Variants in PRDM1 observed in about 807,000 individuals in gnomAD.
The protein encoded by PRDM1 is PR domain zinc finger protein 1.
A neutral mutation model predicts 62.8 loss-of-function variants in PRDM1; 13 were observed. The observed-to-expected ratio is 0.21, with a 90% confidence interval of 0.13 to 0.33. The LOEUF (loss-of-function observed/expected upper bound fraction) is 0.33, where lower values mean the gene tolerates loss of function less well. Ranked by LOEUF, PRDM1 falls within the 10% of genes least tolerant of loss-of-function variation. The pLI, the probability that PRDM1 is intolerant of heterozygous loss-of-function variation, is 1.00. For missense variants in PRDM1, 895 were observed against 1,058.8 expected, an observed-to-expected ratio of 0.85 and a Z score of 2.15; for synonymous variants, 396 against 417.6, an observed-to-expected ratio of 0.95 and a Z score of 0.63.
chr6:106,020,656 C>T (rs1268595850), intron 1 of PRDM1, among the ~76,000 whole-genome samples: 2 of 152,158 alleles, frequency 1.3e-5, no homozygotes, highest in Non-Finnish European at 2.9e-5. Flanking sequence ...TTATGCACCC[C>T]CCACCATTTT....
chr6:106,106,329 GC>G lies in PRDM1; in HGVS notation c.1774-40del. On this transcript the variant is annotated intron_variant, in intron 5 of 6. Transcript: ENST00000369096. The surrounding 1 kb of genome is among the most constrained non-coding windows in gnomAD (Gnocchi z 4.4). Reference sequence around the variant, plus strand: ...TGGAGCAGAAATGTTAGGTCTCAGAGCCAGCTTGAGAGCAGAGCTAACACAT... The same window carrying G: ...TGGAGCAGAAATGTTAGGTCTCAGAGCAGCTTGAGAGCAGAGCTAACACAT... The G allele has an allele frequency of 1.2e-6, 2 of 1,607,570 alleles. No homozygotes were observed. Among genetic ancestry groups the G allele is most frequent in the Non-Finnish European group, 8.5e-7 (1 of 1,175,210 alleles).
rs1484521161 is a variant in PRDM1, at chr6:106,105,907, A to T, written c.1747A>T (p.Thr583Ser). Residue 583 changes from threonine to serine, a missense_variant, in exon 5 of 7, where the codon ACT becomes TCT. By Grantham distance (58) the Thr-to-Ser change is moderately conservative (BLOSUM62 1). Around this residue, in one of 4 missense-constraint regions of PRDM1, gnomAD observed 74 missense variants for 172.4 expected, o/e 0.43. Transcript: ENST00000369096. ...IKYECNVCAK[T>S]FGQLSNLKVH... is the part of the protein sequence containing the mutation. ...GTACGAATGCAACGTTTGCGCCAAG[A>T]CTTTCGGCCAGCTCTCCAATCTGAA... is the stretch of plus-strand genomic sequence containing the variant. 3 of 1,613,274 alleles carry T rather than the reference A, an allele frequency of 1.9e-6. No homozygotes were observed. The highest frequency in any genetic ancestry group is 2.5e-6 in the Non-Finnish European group (3 of 1,179,578).
At chr6:106,067,773 G>C (rs1773455704) in intron 1 of PRDM1, among the ~76,000 whole-genome samples, 1 of 152,106 alleles carries the variant, frequency 6.6e-6, no homozygotes, top group Non-Finnish European at 1.5e-5. Context: ...TTTGAGTGAT[G>C]AAAAAGTTTT....
intron 1 of PRDM1, among the ~76,000 whole-genome samples, chr6:105,996,867 A>G (rs1432897505): frequency 6.6e-6 from 1 of 152,224 alleles, no homozygotes; most frequent in African/African-American, 2.4e-5. Flanking sequence ...ATTTCCGCCA[A>G]ATTGACTGTC....
intron 1 of PRDM1, among the ~76,000 whole-genome samples, chr6:105,998,819 C>A (rs937600124): frequency 1.3e-5 from 2 of 150,946 alleles, no homozygotes; most frequent in Admixed American, 1.3e-4. Context: ...CTGGTAATAT[C>A]CATCTTCCCT....
Position 106,105,305 on chromosome 6 carries a change from G to T in PRDM1, c.1145G>T (p.Gly382Val), listed in dbSNP as rs775175551. Residue 382 changes from glycine (G) to valine (V), a missense_variant, in exon 5 of 7, where the codon GGC becomes GTC. Coordinates refer to ENST00000369096, the MANE Select transcript of PRDM1 (RefSeq NM_001198.4). ...DSYAYLNASYGTEGLGSYPGY... is the reference protein window; with the variant it reads ...DSYAYLNASYVTEGLGSYPGY... ...TACGCTTACTTGAACGCGTCCTACGGCACGGAAGGTTTGGGCTCCTACCCT... is the reference window on the plus strand; with the variant it reads ...TACGCTTACTTGAACGCGTCCTACGTCACGGAAGGTTTGGGCTCCTACCCT... 1.1e-5 allele frequency: 18 copies of T among 1,613,140 alleles called. No individual in the cohort carries two copies. Among genetic ancestry groups the T allele is most frequent in the Non-Finnish European group, 1.4e-5 (16 of 1,179,534 alleles).
chr6:106,023,403 G>A (rs938303263), intron 1 of PRDM1, among the ~76,000 whole-genome samples: 13 of 152,052 alleles, frequency 8.5e-5, no homozygotes, highest in Non-Finnish European at 1.8e-4. Context: ...GAACCCAGAA[G>A]GCAGAGGTTG....
chr6:106,088,518 C>G, intron 2 of PRDM1, 69 bp downstream of exon 2: 2 of 1,561,160 alleles, frequency 1.3e-6, no homozygotes, highest in South Asian at 2.3e-5. Flanking sequence ...GCCCTTGAGG[C>G]CTTGTATATC....
upstream of PRDM1, among the ~76,000 whole-genome samples, chr6:106,044,236 G>A (rs72941643): frequency 0.066 from 7,190 of 108,962 alleles, 181 homozygotes; most frequent in Admixed American, 0.073. Flanking sequence ...ACTAAATTCT[G>A]TTGCTAACAT....
intron 1 of PRDM1, among the ~76,000 whole-genome samples, chr6:106,042,769 C>T (rs1773021374): frequency 6.6e-6 from 1 of 152,104 alleles, no homozygotes; most frequent in Admixed American, 6.5e-5. Flanking sequence ...GAGTTCTTCC[C>T]GATTTTGGAG....
At chr6:106,097,533 T>C (rs1463151600) in intron 3 of PRDM1, among the ~76,000 whole-genome samples, 1 of 152,216 alleles carries the variant, frequency 6.6e-6, no homozygotes, top group African/African-American at 2.4e-5. Context: ...AAAGAAGGGA[T>C]GTTCAAGTTG....
chr6:106,095,669 C>G lies in PRDM1; in HGVS notation c.346C>G (p.Leu116Val). 1 of 1,613,128 alleles carries G rather than the reference C, an allele frequency of 6.2e-7. No individual in the cohort carries two copies. The highest frequency in any genetic ancestry group is 8.5e-7 in the Non-Finnish European group (1 of 1,179,650). Residue 116 changes from leucine (L) to valine (V), a missense_variant, in exon 3 of 7, where the codon CTA becomes GTA. Around this residue, in one of 4 missense-constraint regions of PRDM1, gnomAD observed 213 missense variants for 283.9 expected, o/e 0.75. Coordinates refer to ENST00000369096, the MANE Select transcript of PRDM1 (RefSeq NM_001198.4). ...ACCAAAGGGCACACGTTTTGGACCC[C>G]TAATAGGTGAAATCTACACCAATGA... ...YIPKGTRFGP[L>V]IGEIYTNDTV... is the part of the protein sequence containing the mutation.
intron 1 of PRDM1, among the ~76,000 whole-genome samples, chr6:106,027,328 CAA>C (rs1772777992): frequency 6.6e-6 from 1 of 152,206 alleles, no homozygotes; most frequent in South Asian, 2.1e-4. Context: ...ACAGAAACCC[CAA>C]GAGTCCTGTT....
chr6:106,041,593 C>T (rs1330400473), intron 1 of PRDM1, among the ~76,000 whole-genome samples: 1 of 152,100 alleles, frequency 6.6e-6, no homozygotes, highest in African/African-American at 2.4e-5. Context: ...AGTTTCTTGG[C>T]ATGATGGAAC....
rs1774591439 is a variant in PRDM1 at position 106,108,685 on chromosome 6, C to A, written c.*1199C>A. The A allele has an allele frequency of 1.3e-5, 3 of 233,330 alleles. No homozygotes were observed. In the South Asian group the frequency reaches 5.5e-4, roughly 42 times the overall value. 14.5% of individuals were successfully genotyped at this position (233,330 alleles called of 1,614,324 possible). A position where few individuals can be genotyped will look rare whatever the true frequency, so the allele number is the denominator to read the frequency against. ...GGGGTAAAAGCGGGTAATGAACATT[C>A]CTATCCCCAACACATCAATTGTATT... On this transcript the variant is annotated 3_prime_UTR_variant, in exon 7 of 7. Coordinates refer to ENST00000369096, the MANE Select transcript of PRDM1 (RefSeq NM_001198.4).
intron 2 of PRDM1, among the ~76,000 whole-genome samples, chr6:106,091,501 C>T (rs1025271608): frequency 8.5e-5 from 13 of 152,278 alleles, no homozygotes; most frequent in African/African-American, 2.9e-4. Context: ...GGGTGATTGC[C>T]GGGCGCGGTG....
intron 1 of PRDM1, among the ~76,000 whole-genome samples, chr6:106,036,083 A>G (rs1325881361): frequency 1.3e-5 from 2 of 151,880 alleles, no homozygotes; most frequent in Non-Finnish European, 2.9e-5. Flanking sequence ...TTTGTTTTCT[A>G]TATTCCTTAT....
chr6:106,063,315 C>G (rs1388398796), intron 1 of PRDM1, among the ~76,000 whole-genome samples: 1 of 152,138 alleles, frequency 6.6e-6, no homozygotes, highest in Non-Finnish European at 1.5e-5. Flanking sequence ...GCTGGTTTCA[C>G]AAGTAGAGTT....
rs544807232 is a variant in PRDM1 at position 106,109,289 on chromosome 6, C to G, written c.*1803C>G. On this transcript the variant is annotated 3_prime_UTR_variant, in exon 7 of 7. Transcript: ENST00000369096. ...TTTTAGTATTAAGGACCATCTAAGA[C>G]AGCTCTATTTTTTTTTTGCCACTTT... The G allele has an allele frequency of 2.6e-4, 60 of 232,424 alleles. No individual in the cohort carries two copies. Among genetic ancestry groups the G allele is most frequent in the African/African-American group, 1.3e-3 (57 of 45,360 alleles). The allele number at this position is 232,424 out of a possible 1,614,324, so 14.4% of individuals were successfully genotyped here.
Sources: allele counts gnomAD v4.1 joint callset (sites outside exome capture counted in the v4.1 genomes callset), GRCh38; gene constraint gnomAD v4.1.1; regional missense constraint gnomAD v4.1.1; non-coding constraint Gnocchi (gnomAD v3.1); transcripts MANE v1.5; gene names NCBI Gene and HGNC (gene_info 2026-07-23, HGNC 2026-07-21).